Variants in GBA1 observed in about 807,000 individuals in gnomAD.
GBA1 encodes the protein glucosylceramidase beta 1.
At chr1:155,237,564 T>C in the GBA1 span, 5 of 1,613,704 alleles carry the variant, frequency 3.1e-6, no homozygotes, top group Non-Finnish European at 4.2e-6. Context: ...GTGCTCAGCA[T>C]AGGCATCCAG....
At chr1:155,238,077 A>G in the GBA1 span, 1 of 1,572,418 alleles carries the variant, frequency 6.4e-7, no homozygotes, top group Admixed American at 1.7e-5. Flanking sequence ...TGGGACACAG[A>G]TCAGCATGGC....
At chr1:155,239,860 CA>C in the GBA1 span, 1 of 1,614,038 alleles carries the variant, frequency 6.2e-7, no homozygotes, top group South Asian at 1.1e-5. Context: ...CAGCCTGGCC[CA>C]GGGGGTGAGG....
the GBA1 span, chr1:155,244,397 C>G: frequency 6.6e-6 from 1 of 151,988 alleles, no homozygotes; most frequent in Non-Finnish European, 1.5e-5. Context: ...GAGACTCCCT[C>G]AAAAAATAAT....
the GBA1 span, chr1:155,241,206 C>G: frequency 8.1e-7 from 1 of 1,240,570 alleles, no homozygotes; most frequent in Non-Finnish European, 1.2e-6. Context: ...GATGCAGGTA[C>G]CTGCCTTAGC....
At chr1:155,239,477 G>C in the GBA1 span, 1 of 899,618 alleles carries the variant, frequency 1.1e-6, no homozygotes, top group Non-Finnish European at 1.8e-6. Flanking sequence ...GTTGCTGTGA[G>C]GGGAGATCAC....
At chr1:155,239,519 G>C in the GBA1 span, 20 of 1,322,556 alleles carry the variant, frequency 1.5e-5, no homozygotes, top group Non-Finnish European at 2.0e-5. Context: ...CGACAGAATG[G>C]GCAGAGTGAG....
chr1:155,236,935 G>A, the GBA1 span, among the ~76,000 whole-genome samples: 3 of 151,712 alleles, frequency 2.0e-5, no homozygotes, highest in Admixed American at 1.3e-4. Context: ...CGCGATCTCG[G>A]CTCACCGCAA....
the GBA1 span, chr1:155,238,107 G>T: frequency 1.9e-6 from 3 of 1,612,452 alleles, no homozygotes; most frequent in Non-Finnish European, 2.5e-6. Context: ...GGCCAGTCCT[G>T]ATCCCACATC....
At chr1:155,240,270 C>T in the GBA1 span, 3 of 615,230 alleles carry the variant, frequency 4.9e-6, no homozygotes, top group Non-Finnish European at 8.6e-6. Context: ...TTGAGACCTG[C>T]CTTGCCAGCA....
At chr1:155,240,746 A>G in the GBA1 span, 2 of 1,585,804 alleles carry the variant, frequency 1.3e-6, no homozygotes, top group Non-Finnish European at 1.7e-6. Context: ...ATGACTGAAA[A>G]GCAAGCCCCT....
At chr1:155,237,116 C>T in the GBA1 span, among the ~76,000 whole-genome samples, 3 of 152,080 alleles carry the variant, frequency 2.0e-5, no homozygotes, top group African/African-American at 2.4e-5. Context: ...GGTGATCACC[C>T]GCCTCGGCTT....
At chr1:155,235,205 C>T in the GBA1 span, 44 of 1,613,138 alleles carry the variant, frequency 2.7e-5, no homozygotes, top group African/African-American at 1.1e-4. Flanking sequence ...CGGTTTAGCA[C>T]GACCACAACA....
the GBA1 span, chr1:155,234,902 G>A: frequency 6.7e-6 from 3 of 445,266 alleles, no homozygotes; most frequent in Non-Finnish European, 1.1e-5. Context: ...CACTGGCCCT[G>A]CTGTGCCCTC....
chr1:155,235,764 G>C, the GBA1 span: 1 of 1,614,240 alleles, frequency 6.2e-7, no homozygotes, highest in South Asian at 1.1e-5. Context: ...TGTCGACAAA[G>C]TTACGCACCC....
At chr1:155,242,573 C>T in the GBA1 span, among the ~76,000 whole-genome samples, 1 of 151,666 alleles carries the variant, frequency 6.6e-6, no homozygotes, top group Non-Finnish European at 1.5e-5. Flanking sequence ...TTTCTAGATA[C>T]ACTCCAAGCA....
the GBA1 span, chr1:155,238,127 C>T: frequency 1.2e-6 from 2 of 1,614,070 alleles, no homozygotes; most frequent in Non-Finnish European, 1.7e-6. Context: ...CCTTGCTGAT[C>T]CCTTACTTCA....
chr1:155,242,701 C>T, the GBA1 span, among the ~76,000 whole-genome samples: 7 of 148,136 alleles, frequency 4.7e-5, no homozygotes, highest in Non-Finnish European at 1.0e-4. Context: ...CAAGCAATTG[C>T]CCTGCCTCAG....
the GBA1 span, chr1:155,241,271 C>T: frequency 1.4e-6 from 1 of 705,764 alleles, no homozygotes; most frequent in Non-Finnish European, 2.6e-6. Flanking sequence ...GTGGATGGGT[C>T]ATGTGATGAC....
the GBA1 span, chr1:155,238,919 G>T: frequency 2.1e-6 from 1 of 473,694 alleles, no homozygotes; most frequent in Non-Finnish European, 3.8e-6. Flanking sequence ...AGAAGTCAGG[G>T]TCCAAAGAAA....
Sources: allele counts gnomAD v4.1 joint callset (sites outside exome capture counted in the v4.1 genomes callset), GRCh38; gene constraint gnomAD v4.1.1; transcripts MANE v1.5; gene names NCBI Gene and HGNC (gene_info 2026-07-23, HGNC 2026-07-21).